FAT3: variants seen among roughly 807,000 people sequenced by gnomAD.
FAT3 encodes the protein protocadherin Fat 3.
In FAT3, 95 loss-of-function variants were observed where a neutral mutation model predicts 310.2. The observed-to-expected ratio is 0.31, with a 90% CI of 0.26 to 0.36. The LOEUF (loss-of-function observed/expected upper bound fraction) is 0.36. FAT3 is among the 10% of genes least tolerant of loss of function. The pLI is 1.00. For missense variants in FAT3, 5,408 were observed against 5,715.6 expected (o/e 0.95, Z 1.74); for synonymous variants, 2,314 against 2,192.9 (o/e 1.06, Z -1.54).
chr11:92,576,041 G>C (rs190092523), intron 3 of FAT3, among the ~76,000 whole-genome samples: 1 of 152,280 alleles, frequency 6.6e-6, no homozygotes, highest in East Asian at 1.9e-4. Flanking sequence ...AATGTGTGCT[G>C]TGCTGATCTG....
intron 4 of FAT3, among the ~76,000 whole-genome samples, chr11:92,705,798 T>A (rs1271503986): frequency 4.5e-4 from 1 of 2,198 alleles, no homozygotes; most frequent in African/African-American, 1.6e-3. Flanking sequence ...GGTGTGATGG[T>A]GTTGGTGTTG....
At chr11:92,662,008 T>C (rs1425185732) in intron 3 of FAT3, among the ~76,000 whole-genome samples, 1 of 152,154 alleles carries the variant, frequency 6.6e-6, no homozygotes, top group East Asian at 1.9e-4. Context: ...AGAAGAACTC[T>C]ATTTTTTTCT....
chr11:92,247,572 C>T (rs10501775), intron 1 of FAT3, among the ~76,000 whole-genome samples: 23,761 of 151,834 alleles, frequency 0.16, 2,158 homozygotes, highest in East Asian at 0.38. Flanking sequence ...AGTCATTTTT[C>T]AATTTCCTCT....
rs1458259987 is a variant in FAT3, at chr11:92,275,445, TTTGGTTCTACTGA to T, written c.-18+50276_-18+50288del. Among the ~76,000 whole-genome samples, 6 of 152,188 alleles carry T rather than the reference TTTGGTTCTACTGA, an allele frequency of 3.9e-5. 1 individual carries two copies. Among genetic ancestry groups the T allele is most frequent in the African/African-American group, 1.4e-4 (6 of 41,532 alleles). ...ATGCGAACAGGCCTCTTGGCTCATC[TTTGGTTCTACTGA>T]TTGGCAAACATAAGAATAAGCATGC... On this transcript the variant is annotated intron_variant, in intron 1 of 27. Coordinates refer to ENST00000525166, the MANE Select transcript of FAT3 (RefSeq NM_001367949.2).
At chr11:92,693,564 GA>G in intron 3 of FAT3, among the ~76,000 whole-genome samples, 1 of 152,266 alleles carries the variant, frequency 6.6e-6, no homozygotes, top group South Asian at 2.1e-4. Context: ...TATAAATGAA[GA>G]GGTAGCACTG....
At chr11:92,401,868 G>A (rs1950021448) in intron 2 of FAT3, among the ~76,000 whole-genome samples, 1 of 152,190 alleles carries the variant, frequency 6.6e-6, no homozygotes, top group African/African-American at 2.4e-5. Context: ...CAGATTAATA[G>A]AAATTCTCAC....
intron 2 of FAT3, among the ~76,000 whole-genome samples, chr11:92,381,195 A>G (rs909764270): frequency 5.3e-5 from 8 of 152,188 alleles, no homozygotes; most frequent in Admixed American, 1.3e-4. Flanking sequence ...AGGCACTGGA[A>G]CTTCTTTTAT....
intron 4 of FAT3, among the ~76,000 whole-genome samples, chr11:92,710,476 C>T (rs770471671): frequency 3.3e-5 from 5 of 152,130 alleles, no homozygotes; most frequent in Non-Finnish European, 7.3e-5. Flanking sequence ...AGGCTGCAGT[C>T]AAATTTAAAG....
At chr11:92,348,106 G>C (rs945093772) in intron 1 of FAT3, among the ~76,000 whole-genome samples, 4 of 150,292 alleles carry the variant, frequency 2.7e-5, no homozygotes, top group Admixed American at 6.6e-5. Context: ...AAACTGCAAG[G>C]CTTTTTAAAA....
intron 3 of FAT3, among the ~76,000 whole-genome samples, chr11:92,613,892 A>G (rs895854901): frequency 6.6e-6 from 1 of 152,182 alleles, no homozygotes; most frequent in Non-Finnish European, 1.5e-5. Flanking sequence ...ATTATCAGTC[A>G]CTTCCCATTT....
intron 3 of FAT3, among the ~76,000 whole-genome samples, chr11:92,686,185 G>A (rs1051587891): frequency 1.3e-5 from 2 of 152,156 alleles, no homozygotes; most frequent in Admixed American, 6.5e-5. Flanking sequence ...CACTGATTCA[G>A]ACTCTGAGGA....
At chr11:92,810,530 A>G (rs572182457) in intron 13 of FAT3, among the ~76,000 whole-genome samples, 34 of 152,324 alleles carry the variant, frequency 2.2e-4, no homozygotes, top group African/African-American at 7.5e-4. Context: ...TCGATTTAAT[A>G]TAGTGCCCCG....
At chr11:92,596,459 A>T (rs1216909042) in intron 3 of FAT3, among the ~76,000 whole-genome samples, 5 of 152,066 alleles carry the variant, frequency 3.3e-5, no homozygotes, top group African/African-American at 1.2e-4. Context: ...TCTCTTTCAG[A>T]TCAAGTGGCC....
chr11:92,582,562 T>C (rs1938868787), intron 3 of FAT3, among the ~76,000 whole-genome samples: 1 of 152,034 alleles, frequency 6.6e-6, no homozygotes, highest in African/African-American at 2.4e-5. Context: ...TATACAGAGT[T>C]TTATAGATAA....
chr11:92,353,886 C>A lies in FAT3; in HGVS notation c.1774C>A (p.Pro592Thr), dbSNP rs778826850. 6.2e-7 allele frequency: 1 copy of A among 1,613,316 alleles called. No homozygotes were observed. The highest frequency in any genetic ancestry group is 1.1e-5 in the South Asian group (1 of 91,070). Residue 592 changes from proline to threonine, a missense_variant, in exon 2 of 28, where the codon CCA (proline) becomes ACA (threonine). By Grantham distance (38) the Pro-to-Thr change is conservative (BLOSUM62 -1). This residue lies in a region of FAT3 where 4,588 missense variants were observed against 4,809.8 expected (regional missense o/e 0.95). Transcript: ENST00000525166. ...CCAGGGAGTTATTTCATATGACTTTCCAGTTGGTGGTCACATCACAGCAGT... is the reference window on the plus strand; with the variant it reads ...CCAGGGAGTTATTTCATATGACTTTACAGTTGGTGGTCACATCACAGCAGT... ...ACQGVISYDFPVGGHITAVSA... is the reference protein window; with the variant it reads ...ACQGVISYDFTVGGHITAVSA...
At chr11:92,796,129 A>G (rs1947166674) in intron 9 of FAT3, among the ~76,000 whole-genome samples, 1 of 151,928 alleles carries the variant, frequency 6.6e-6, no homozygotes, top group African/African-American at 2.4e-5. Flanking sequence ...CTGGAAGGTG[A>G]CCATTGCTTA....
chr11:92,826,878 A>G (rs1337105423), intron 13 of FAT3, among the ~76,000 whole-genome samples: 1 of 152,188 alleles, frequency 6.6e-6, no homozygotes, highest in East Asian at 1.9e-4. Context: ...AGCTGCCAGC[A>G]CAAGACACCA....
chr11:92,801,391 A>G lies in FAT3; in HGVS notation c.8378A>G (p.Asp2793Gly), dbSNP rs375665274. The G allele has an allele frequency of 6.2e-7, 1 of 1,613,950 alleles. No homozygotes were observed. ...VAATIPLDKV[D>G]IVFTVDVDIK... The stretch of plus-strand genomic sequence containing the variant: ...GCCACTATACCCCTGGACAAAGTAG[A>G]CATTGTGTTTACTGTGGATGTAGAT... The change falls in exon 10 of 28, where the codon GAC (aspartate) becomes GGC (glycine). Residue 2793 changes from aspartate (D) to glycine (G), a missense_variant. By Grantham distance (94) the Asp-to-Gly change is moderately conservative (BLOSUM62 -1). Transcript: ENST00000525166.
intron 2 of FAT3, among the ~76,000 whole-genome samples, chr11:92,523,377 T>C (rs1295621952): frequency 1.3e-5 from 2 of 152,176 alleles, no homozygotes; most frequent in Non-Finnish European, 2.9e-5. Context: ...GTGAATAACA[T>C]AGCAGCTGAA....
Sources: gnomAD v4.1 joint callset for allele counts (sites outside exome capture counted in the v4.1 genomes callset) on GRCh38, gnomAD v4.1.1 for gene constraint, gnomAD v4.1.1 regional missense constraint, MANE v1.5 for transcripts, NCBI Gene and HGNC (gene_info 2026-07-23, HGNC 2026-07-21) for gene names.